ABCB1: variants seen among roughly 807,000 people sequenced by gnomAD.
The protein encoded by ABCB1 is ATP-dependent translocase ABCB1.
A neutral mutation model predicts 142.0 loss-of-function variants in ABCB1; 69 were observed. That is an observed-to-expected ratio of 0.49 (90% confidence interval 0.40 to 0.59). The LOEUF (loss-of-function observed/expected upper bound fraction) is 0.59, where lower values mean the gene tolerates loss of function less well. ABCB1 is among the 20% of genes least tolerant of loss of function. The pLI, the probability that ABCB1 is intolerant of heterozygous loss-of-function variation, is 0.00. For missense variants in ABCB1, 1,326 were observed against 1,554.7 expected, an observed-to-expected ratio of 0.85 and a Z score of 2.47; for synonymous variants, 532 against 539.2, an observed-to-expected ratio of 0.99 and a Z score of 0.18.
intron 8 of ABCB1, among the ~76,000 whole-genome samples, chr7:87,554,292 T>C (rs570387977): frequency 2.8e-4 from 43 of 151,156 alleles, no homozygotes; most frequent in Admixed American, 1.4e-3. Context: ...AAAATCTGCA[T>C]GCCTCTTTAA....
intron 1 of ABCB1, among the ~76,000 whole-genome samples, chr7:87,706,367 A>G (rs1829585680): frequency 6.6e-6 from 1 of 152,076 alleles, no homozygotes; most frequent in Admixed American, 6.5e-5. Context: ...TAATAAATTG[A>G]AGGGAGGAGT....
At chr7:87,572,417 A>G (rs1818090263) in intron 4 of ABCB1, among the ~76,000 whole-genome samples, 1 of 152,200 alleles carries the variant, frequency 6.6e-6, no homozygotes, top group Non-Finnish European at 1.5e-5. Context: ...CAAGGTCAAA[A>G]TTGCCTCCTT....
chr7:87,663,379 CCT>C lies in ABCB1; in HGVS notation c.-331+49780_-331+49781del, dbSNP rs1206099049. Among the ~76,000 whole-genome samples, 6 of 151,766 alleles carry C rather than the reference CCT, an allele frequency of 4.0e-5. No homozygotes were observed. The East Asian group carries it at 5.8e-4, about 15-fold the overall frequency. ...TTGTCCAGTTCAGCTGCATTCTTCCCCTGTTTTCTCTCTATTTCCATCTATCT... is the reference window on the plus strand; with the variant it reads ...TTGTCCAGTTCAGCTGCATTCTTCCCGTTTTCTCTCTATTTCCATCTATCT... On this transcript the variant is annotated intron_variant, in intron 1 of 28. Coordinates refer to the ABCB1 transcript ENST00000265724.
chr7:87,620,896 C>G (rs1402986444), intron 1 of ABCB1, among the ~76,000 whole-genome samples: 1 of 151,864 alleles, frequency 6.6e-6, no homozygotes. Context: ...GTAAATATTG[C>G]AACTATTTAG....
chr7:87,654,438 G>C (rs1823884419), intron 1 of ABCB1, among the ~76,000 whole-genome samples: 1 of 151,990 alleles, frequency 6.6e-6, no homozygotes, highest in Non-Finnish European at 1.5e-5. Flanking sequence ...TGCATTTCTG[G>C]TCTATTAATT....
chr7:87,632,136 T>C (rs1821285883), intron 1 of ABCB1, among the ~76,000 whole-genome samples: 1 of 151,778 alleles, frequency 6.6e-6, no homozygotes, highest in African/African-American at 2.4e-5. Flanking sequence ...GTCACCAGCA[T>C]ATATCATTCT....
rs200671728 is a variant in ABCB1, at chr7:87,550,740, G to C, written c.1098C>G (p.Phe366Leu). 7.4e-6 allele frequency: 12 copies of C among 1,612,334 alleles called. No individual in the cohort carries two copies. Among genetic ancestry groups the C allele is most frequent in the Admixed American group, 1.7e-5 (1 of 60,024 alleles). ...TCAGACTTACATTATCAATTATCTTGAAGATTTCATAAGCTGCTCCTCTTG... is the reference window on the plus strand; with the variant it reads ...TCAGACTTACATTATCAATTATCTTCAAGATTTCATAAGCTGCTCCTCTTG... ...ANARGAAYEI[F>L]KIIDNKPSID... The change falls in exon 10 of 28, where the codon TTC becomes TTG. Residue 366 changes from phenylalanine to leucine, a missense_variant. Coordinates refer to ENST00000622132, the MANE Select transcript of ABCB1 (RefSeq NM_001348946.2).
At chr7:87,676,524 T>G (rs972540753) in intron 1 of ABCB1, among the ~76,000 whole-genome samples, 2 of 151,636 alleles carry the variant, frequency 1.3e-5, no homozygotes, top group African/African-American at 4.8e-5. Context: ...GCCAACATGG[T>G]GAAACCCCAT....
chr7:87,556,753 G>T (rs1254563385), intron 8 of ABCB1, among the ~76,000 whole-genome samples: 7 of 151,986 alleles, frequency 4.6e-5, no homozygotes, highest in African/African-American at 1.7e-4. Context: ...AAAACATAAC[G>T]TGGATAGTCA....
At chr7:87,610,188 A>C (rs1819798875) in intron 1 of ABCB1, among the ~76,000 whole-genome samples, 2 of 150,662 alleles carry the variant, frequency 1.3e-5, no homozygotes, top group African/African-American at 4.9e-5. Context: ...AATTGGCAAC[A>C]AGTCATACTG....
At chr7:87,658,693 A>G (rs991064745) in intron 1 of ABCB1, among the ~76,000 whole-genome samples, 2 of 152,180 alleles carry the variant, frequency 1.3e-5, no homozygotes, top group Non-Finnish European at 2.9e-5. Context: ...CTGATCAGAA[A>G]CCATGGAGGC....
rs1286204073 is a variant in ABCB1, at chr7:87,516,551, T to C, written c.3042A>G (p.Lys1014=). The C allele has an allele frequency of 1.2e-6, 2 of 1,614,096 alleles. No individual in the cohort carries two copies. The highest frequency in any genetic ancestry group is 1.7e-5 in the Admixed American group (1 of 60,018). The stretch of plus-strand genomic sequence containing the variant: ...TGCTGTAGCTGTCAATCAAAGGGGT[T>C]TTTTCAATGATCATGATGATGTGGG... ...SAAHIIMIIE[K]TPLIDSYSTE... Residue 1014 remains lysine (K), a synonymous_variant, in exon 24 of 28, where the codon AAA becomes AAG. Transcript: ENST00000622132.
intron 1 of ABCB1, among the ~76,000 whole-genome samples, chr7:87,677,524 T>A (rs986042923): frequency 6.6e-6 from 1 of 151,876 alleles, no homozygotes; most frequent in African/African-American, 2.4e-5. Context: ...GGCTGGGGGA[T>A]AGGAGAAAAG....
intron 1 of ABCB1, among the ~76,000 whole-genome samples, chr7:87,627,169 A>T (rs1017690363): frequency 2.0e-5 from 3 of 152,182 alleles, no homozygotes; most frequent in African/African-American, 7.2e-5. Context: ...AGAGATTTTT[A>T]AACTTTAAAA....
At chr7:87,680,811 A>G (rs1235409057) in intron 1 of ABCB1, among the ~76,000 whole-genome samples, 1 of 150,454 alleles carries the variant, frequency 6.6e-6, no homozygotes, top group Non-Finnish European at 1.5e-5. Flanking sequence ...AGAAAAGAAA[A>G]GAAAAAAGAA....
At chr7:87,572,762 C>T (rs1300868986) in intron 4 of ABCB1, among the ~76,000 whole-genome samples, 1 of 152,068 alleles carries the variant, frequency 6.6e-6, no homozygotes, top group South Asian at 2.1e-4. Context: ...AGGGAGGGGG[C>T]TGGAGGCCAT....
intron 1 of ABCB1, among the ~76,000 whole-genome samples, chr7:87,645,081 CTTTTTTTTT>C (rs551936794): frequency 2.3e-5 from 3 of 128,098 alleles, no homozygotes; most frequent in Non-Finnish European, 5.1e-5. Context: ...TGCTTTCTTT[CTTTTTTTTT>C]TTTTTTTTTG....
At chr7:87,524,485 C>CA (rs1169466553) in intron 21 of ABCB1, among the ~76,000 whole-genome samples, 1 of 151,308 alleles carries the variant, frequency 6.6e-6, no homozygotes, top group Non-Finnish European at 1.5e-5. Context: ...ATCGCAAGGA[C>CA]AAAAAACCAA....
chr7:87,533,927 A>G (rs535354563), intron 20 of ABCB1, among the ~76,000 whole-genome samples: 1 of 152,138 alleles, frequency 6.6e-6, no homozygotes, highest in Non-Finnish European at 1.5e-5. Context: ...AGTGGCTCAT[A>G]TAAGGTGAGT....
Sources: allele counts gnomAD v4.1 joint callset (sites outside exome capture counted in the v4.1 genomes callset), GRCh38; gene constraint gnomAD v4.1.1; transcripts MANE v1.5; gene names NCBI Gene and HGNC (gene_info 2026-07-23, HGNC 2026-07-21).